The following COL9A2 variants were observed in gnomAD, a reference collection of about 807,000 sequenced individuals.
COL9A2 encodes the protein collagen type IX alpha 2 chain.
A neutral mutation model predicts 111.6 loss-of-function variants in COL9A2; 66 were observed. The ratio of observed to expected loss-of-function variants is 0.59; its 90% CI spans 0.48 to 0.73. The LOEUF is 0.73. COL9A2 is among the 30% of genes least tolerant of loss of function. The pLI is 0.00. For synonymous variants in COL9A2, 353 were observed against 364.1 expected, an observed-to-expected ratio of 0.97 and a Z score of 0.35; for missense variants, 881 against 954.1, an observed-to-expected ratio of 0.92 and a Z score of 1.01.
Position 40,303,735 on chromosome 1 carries a change from G to GT in COL9A2, c.1402-60dup, listed in dbSNP as rs1643956483. On this transcript the variant is annotated intron_variant, in intron 27 of 31. Coordinates refer to ENST00000372748, the MANE Select transcript of COL9A2 (RefSeq NM_001852.4). This position sits in a 1 kb window ranked among gnomAD's most constrained non-coding sequence, Gnocchi z 4.6. Reference sequence around the variant, plus strand: ...TGAGAAGGCGCCCGGGTGGGCGAGAGTGGGGGGTGGGGGTCGAGGAAGGGA... The same window carrying GT: ...TGAGAAGGCGCCCGGGTGGGCGAGAGTTGGGGGGTGGGGGTCGAGGAAGGGA... 1 of 1,545,198 alleles carries GT rather than the reference G, an allele frequency of 6.5e-7. No homozygotes were observed. Among genetic ancestry groups the GT allele is most frequent in the African/African-American group, 1.4e-5 (1 of 72,972 alleles).
rs1333838323 is a variant in COL9A2, at chr1:40,314,370, A to G, written c.168T>C (p.Pro56=). ...CACTCACCGGAGGGCCAGCTTTTCCAGGGGGCCCATTGTCACCCTGCAAGA... is the reference window on the plus strand; with the variant it reads ...CACTCACCGGAGGGCCAGCTTTTCCGGGGGGCCCATTGTCACCCTGCAAGA... ...SDGIDGDNGP[P]GKAGPPGPKG... The change falls in exon 3 of 32, where the codon CCT becomes CCC. Residue 56 remains proline (P), a synonymous_variant. Coordinates refer to ENST00000372748, the MANE Select transcript of COL9A2 (RefSeq NM_001852.4). This position sits in a 1 kb window ranked among gnomAD's most constrained non-coding sequence, Gnocchi z 4.1. 1 of 1,614,054 alleles carries G rather than the reference A, an allele frequency of 6.2e-7. No homozygotes were observed. Among genetic ancestry groups the G allele is most frequent in the Non-Finnish European group, 8.5e-7 (1 of 1,180,034 alleles).
chr1:40,310,906 T>G lies in COL9A2; in HGVS notation c.631-139A>C. On this transcript the variant is annotated intron_variant, in intron 12 of 31. Transcript: ENST00000372748. This position sits in a 1 kb window ranked among gnomAD's most constrained non-coding sequence, Gnocchi z 4.9. ...GAACCCTACAGTCCTGTGTTACAGA[T>G]AGAGAAAAGCCAAGCAAGGAGACAT... 1 of 1,057,284 alleles carries G rather than the reference T, an allele frequency of 9.5e-7. No individual in the cohort carries two copies. 65.5% of individuals were successfully genotyped at this position (1,057,284 alleles called of 1,614,324 possible). A position where few individuals can be genotyped will look rare whatever the true frequency, so the allele number is the denominator to read the frequency against.
rs757401979 is a variant in COL9A2, at chr1:40,317,177, G to C, written c.21C>G (p.Ser7=). 2.5e-6 allele frequency: 4 copies of C among 1,588,258 alleles called. No individual in the cohort carries two copies. In the South Asian group the frequency reaches 4.6e-5, roughly 18 times the overall value. ...GGAGGAGAACAAGGAGGCTGCGGGG[G>C]GAGGCCGTAGCGGCGGCCATGGCTG... MAAATA[S]PRSLLVLLQV... is the part of the protein sequence containing the mutation. The change falls in exon 1 of 32, where the codon TCC becomes TCG. Residue 7 remains serine, a synonymous_variant. Transcript: ENST00000372748. The surrounding 1 kb of genome is among the most constrained non-coding windows in gnomAD (Gnocchi z 4.3).
rs1569772994 is a variant in COL9A2 at position 40,316,626 on chromosome 1, C to T, written c.75+497G>A. The T allele has an allele frequency of 2.2e-6, 1 of 454,866 alleles. No individual in the cohort carries two copies. 28.2% of individuals were successfully genotyped at this position (454,866 alleles called of 1,614,324 possible). A position where few individuals can be genotyped will look rare whatever the true frequency, so the allele number is the denominator to read the frequency against. ...CGAGCTCGAAACCACACCCAGCACCCGACCGGGCCCAGTCTCTGCCCTACC... is the reference window on the plus strand; with the variant it reads ...CGAGCTCGAAACCACACCCAGCACCTGACCGGGCCCAGTCTCTGCCCTACC... On this transcript the variant is annotated intron_variant, in intron 1 of 31. Transcript: ENST00000372748. This position sits in a 1 kb window ranked among gnomAD's most constrained non-coding sequence, Gnocchi z 5.5.
intron 16 of COL9A2, 42 bp from the exon 17 acceptor site, chr1:40,308,287 G>A: frequency 6.3e-7 from 1 of 1,594,020 alleles, no homozygotes; most frequent in Non-Finnish European, 8.6e-7. Flanking sequence ...AGGATGTTGG[G>A]CCCCTGTCTG....
rs1270355722 is a variant in COL9A2, at chr1:40,304,347, T to C, written c.1260A>G (p.Gln420=). 2 of 1,574,116 alleles carry C rather than the reference T, an allele frequency of 1.3e-6. No individual in the cohort carries two copies. Among genetic ancestry groups the C allele is most frequent in the Non-Finnish European group, 1.7e-6 (2 of 1,158,902 alleles). ...TGTCTCCTTTGACGCCTGGCAAGCC[T>C]TGGGGCCCTGGAATTCCGGGGGGGC... ...EQGPPGIPGP[Q]GLPGVKGDKG... Residue 420 remains glutamine (Q), a synonymous_variant, in exon 24 of 32, where the codon CAA becomes CAG. Transcript: ENST00000372748.
At position 40,301,154 on chromosome 1, in the gene COL9A2, C is replaced by A; in HGVS notation, c.*28G>T. The A allele has an allele frequency of 6.2e-7, 1 of 1,611,554 alleles. No individual in the cohort carries two copies. The highest frequency in any genetic ancestry group is 8.5e-7 in the Non-Finnish European group (1 of 1,179,246). On this transcript the variant is annotated 3_prime_UTR_variant, in exon 32 of 32. Transcript: ENST00000372748. ...GGACCTGGTCCTTCCCGCCAGGATG[C>A]CTGCCAGGCTCTGTCTGGGCCTGAT... is the stretch of plus-strand genomic sequence containing the variant.
Position 40,307,878 on chromosome 1 carries a change from G to A in COL9A2, c.901-122C>T, listed in dbSNP as rs1644055354. Reference sequence around the variant, plus strand: ...GGAGGGAGTGGCTCTGGTCATCCCAGGAAGCCCCACTGGCCAACTGGGGGA... The same window carrying A: ...GGAGGGAGTGGCTCTGGTCATCCCAAGAAGCCCCACTGGCCAACTGGGGGA... On this transcript the variant is annotated intron_variant, in intron 17 of 31. Transcript: ENST00000372748. This position sits in a 1 kb window ranked among gnomAD's most constrained non-coding sequence, Gnocchi z 4.8. 3 of 1,113,504 alleles carry A rather than the reference G, an allele frequency of 2.7e-6. No individual in the cohort carries two copies. The African/African-American group carries it at 4.6e-5, about 17-fold the overall frequency. The allele number at this position is 1,113,504 out of a possible 1,614,324, so 69.0% of individuals were successfully genotyped here. A position where few individuals can be genotyped will look rare whatever the true frequency, so the allele number is the denominator to read the frequency against.
In COL9A2 at chr1:40,311,503, G is replaced by A. The variant is rs201819837; in HGVS notation, c.516C>T (p.Phe172=). 3.1e-6 allele frequency: 5 copies of A among 1,606,604 alleles called. No individual in the cohort carries two copies. In the East Asian group the frequency reaches 8.9e-5, roughly 29 times the overall value. ...TIQGLEGSAD[F]LCPTNCPPGM... is the part of the protein sequence containing the mutation. Reference sequence around the variant, plus strand: ...CGCCCCAGACCTCGTCTCTCACCAGGAAATCCGCACTGCCTTCCAGACCCT... The same window carrying A: ...CGCCCCAGACCTCGTCTCTCACCAGAAAATCCGCACTGCCTTCCAGACCCT... The change falls in exon 10 of 32, where the codon TTC becomes TTT. Residue 172 remains phenylalanine (F), a synonymous_variant. Transcript: ENST00000372748. This position sits in a 1 kb window ranked among gnomAD's most constrained non-coding sequence, Gnocchi z 5.1.
chr1:40,305,104 G>C (rs1438466590), intron 21 of COL9A2: 15 of 303,086 alleles, frequency 4.9e-5, no homozygotes, highest in Non-Finnish European at 7.7e-5. Flanking sequence ...GTCTTGCTCT[G>C]TCACCCAGGC....
At chr1:40,301,668 G>T in intron 31 of COL9A2, 144 bp downstream of exon 31, 1 of 786,048 alleles carries the variant, frequency 1.3e-6, no homozygotes, top group Non-Finnish European at 2.0e-6. Flanking sequence ...GAGACTCCGG[G>T]GTGCTCCAAA....
In COL9A2 at chr1:40,301,355, T is replaced by C. The variant is rs1643912811; in HGVS notation, c.1897A>G (p.Ile633Val). 2 of 1,608,996 alleles carry C rather than the reference T, an allele frequency of 1.2e-6. No individual in the cohort carries two copies. Among genetic ancestry groups the C allele is most frequent in the Middle Eastern group, 1.7e-4 (1 of 6,042 alleles). Residue 633 changes from isoleucine to valine, a missense_variant, in exon 32 of 32, where the codon ATC becomes GTC. By Grantham distance (29) the Ile-to-Val change is conservative. Transcript: ENST00000372748. ...PGLPGRPGQA[I>V]NGKDGDRGSP... ...CCTCGATCTCCATCCTTGCCGTTGATTGCCTGGCCAGGCCGGCCAGGGAGT... is the reference window on the plus strand; with the variant it reads ...CCTCGATCTCCATCCTTGCCGTTGACTGCCTGGCCAGGCCGGCCAGGGAGT...
chr1:40,308,896 G>A (rs1216651206), intron 16 of COL9A2, among the ~76,000 whole-genome samples: 1 of 152,140 alleles, frequency 6.6e-6, no homozygotes, highest in Non-Finnish European at 1.5e-5. Flanking sequence ...ATAGGTACAT[G>A]GGGATTCTTT....
rs529538105 is a variant in COL9A2, at chr1:40,312,294, G to C, written c.363+162C>G. ...AGAGAATTGCAGAGCCAGTGGACAG[G>C]CCCAGAGTGGGCTGGCCCTGGGTCT... On this transcript the variant is annotated intron_variant, in intron 7 of 31. Coordinates refer to ENST00000372748, the MANE Select transcript of COL9A2 (RefSeq NM_001852.4). This position sits in a 1 kb window ranked among gnomAD's most constrained non-coding sequence, Gnocchi z 6.0. 281 of 1,102,014 alleles carry C rather than the reference G, an allele frequency of 2.5e-4. 1 individual carries two copies. The Middle Eastern group carries it at 5.3e-3, about 21-fold the overall frequency. 68.3% of individuals were successfully genotyped at this position (1,102,014 alleles called of 1,614,324 possible). A position where few individuals can be genotyped will look rare whatever the true frequency, so the allele number is the denominator to read the frequency against.
chr1:40,311,383 C>G lies in COL9A2; in HGVS notation c.520-97G>C. ...CTCTCCTCCGCCTCACCTGGTGGAA[C>G]CCCTGCACTGCAGCCCCTCCCCATC... is the stretch of plus-strand genomic sequence containing the variant. On this transcript the variant is annotated intron_variant, in intron 10 of 31. Transcript: ENST00000372748. The surrounding 1 kb of genome is among the most constrained non-coding windows in gnomAD (Gnocchi z 5.1). 2 of 1,566,486 alleles carry G rather than the reference C, an allele frequency of 1.3e-6. No individual in the cohort carries two copies. Among genetic ancestry groups the G allele is most frequent in the Non-Finnish European group, 8.7e-7 (1 of 1,147,314 alleles).
intron 21 of COL9A2, among the ~76,000 whole-genome samples, chr1:40,305,433 T>A (rs1450625773): frequency 6.6e-6 from 1 of 152,220 alleles, no homozygotes; most frequent in African/African-American, 2.4e-5. Context: ...TGCAAGTGTT[T>A]AGTGAATGTT....
Position 40,302,497 on chromosome 1 carries a change from G to T in COL9A2, c.1792+124C>A. On this transcript the variant is annotated intron_variant, in intron 30 of 31. Transcript: ENST00000372748. This position sits in a 1 kb window ranked among gnomAD's most constrained non-coding sequence, Gnocchi z 4.5. ...AGGAAAGAGCCCAGGAGTGTCTCCT[G>T]GACCATGTGGCTGAGGAACCGGGGA... 9.3e-7 allele frequency: 1 copy of T among 1,079,128 alleles called. No homozygotes were observed. The highest frequency in any genetic ancestry group is 1.4e-6 in the Non-Finnish European group (1 of 733,358). 66.8% of individuals were successfully genotyped at this position (1,079,128 alleles called of 1,614,324 possible). A position where few individuals can be genotyped will look rare whatever the true frequency, so the allele number is the denominator to read the frequency against.
chr1:40,302,695 TG>T lies in COL9A2; in HGVS notation c.1717del (p.His573MetfsTer175). On this transcript the variant is annotated frameshift_variant, in exon 30 of 32. Transcript: ENST00000372748. LOFTEE classifies it high-confidence loss of function. The surrounding 1 kb of genome is among the most constrained non-coding windows in gnomAD (Gnocchi z 4.5). ...PPGYPGKQGP[H>X]GHPGPRGVPG... Reference sequence around the variant, plus strand: ...AACGCCCCGAGGGCCAGGGTGCCCATGGGGGCCCTGCTTGCCTGGGTACCCA... The same window carrying T: ...AACGCCCCGAGGGCCAGGGTGCCCATGGGGCCCTGCTTGCCTGGGTACCCA... The T allele has an allele frequency of 6.3e-7, 1 of 1,591,756 alleles. No homozygotes were observed. The highest frequency in any genetic ancestry group is 8.5e-7 in the Non-Finnish European group (1 of 1,170,564).
At chr1:40,304,664 C>A in intron 22 of COL9A2, 130 bp downstream of exon 22, 1 of 1,393,494 alleles carries the variant, frequency 7.2e-7, no homozygotes, top group African/African-American at 1.4e-5. Flanking sequence ...CTCCACTTGG[C>A]AGACCAGCAA....
Sources: allele counts gnomAD v4.1 joint callset (sites outside exome capture counted in the v4.1 genomes callset), GRCh38; gene constraint gnomAD v4.1.1; non-coding constraint Gnocchi (gnomAD v3.1); transcripts MANE v1.5; gene names NCBI Gene and HGNC (gene_info 2026-07-23, HGNC 2026-07-21).